The following CDC20B variants were observed in gnomAD, a reference collection of about 807,000 sequenced individuals.
CDC20B encodes the protein cell division cycle protein 20 homolog B.
In CDC20B, 58 loss-of-function variants were observed where a neutral mutation model predicts 64.1. That is an observed-to-expected ratio of 0.90 (90% CI 0.73 to 1.13). CDC20B has a LOEUF of 1.13. Ranked by LOEUF, CDC20B falls within the 50% of genes most tolerant of loss-of-function variation. The pLI, the probability that CDC20B is intolerant of heterozygous loss-of-function variation, is 0.00. For synonymous variants in CDC20B, 243 were observed against 230.6 expected (o/e 1.05, Z -0.49); for missense variants, 597 against 633.0 (o/e 0.94, Z 0.61).
At chr5:55,115,588 G>A (rs956772749) in intron 11 of CDC20B, among the ~76,000 whole-genome samples, 3 of 152,226 alleles carry the variant, frequency 2.0e-5, no homozygotes, top group African/African-American at 7.2e-5. Flanking sequence ...CTGAGGCTAG[G>A]AGAATGAGGG....
In CDC20B at chr5:55,126,986, A is replaced by G. The variant is rs577604904; in HGVS notation, c.989+271T>C. 2.0e-5 allele frequency among the ~76,000 whole-genome samples: 3 copies of G among 152,236 alleles called. No individual in the cohort carries two copies. The East Asian group carries it at 5.8e-4, about 29-fold the overall frequency. On this transcript the variant is annotated intron_variant, in intron 8 of 11. Transcript: ENST00000381375. Reference sequence around the variant, plus strand: ...AGTACCTATTACTTAGCACAGAGAAACCTTTTGCTTGAAGGGATTTTCACA... The same window carrying G: ...AGTACCTATTACTTAGCACAGAGAAGCCTTTTGCTTGAAGGGATTTTCACA...
At chr5:55,160,527 A>G (rs1028458573) in intron 2 of CDC20B, 1 of 643,178 alleles carries the variant, frequency 1.6e-6, no homozygotes, top group Non-Finnish European at 2.7e-6. Context: ...TGGTATTAGT[A>G]CATCACTTTA....
chr5:55,142,555 C>T (rs994673417), intron 4 of CDC20B, among the ~76,000 whole-genome samples: 2 of 152,110 alleles, frequency 1.3e-5, no homozygotes, highest in African/African-American at 4.8e-5. Flanking sequence ...AGGGGTAGGG[C>T]AGCAAAAACT....
chr5:55,167,737 C>T (rs1319875970), intron 2 of CDC20B, among the ~76,000 whole-genome samples: 1 of 152,152 alleles, frequency 6.6e-6, no homozygotes, highest in Non-Finnish European at 1.5e-5. Flanking sequence ...GTGGCACATG[C>T]CTCAGGTCCC....
intron 8 of CDC20B, among the ~76,000 whole-genome samples, chr5:55,126,093 A>G (rs1742879983): frequency 6.6e-6 from 1 of 152,246 alleles, no homozygotes; most frequent in African/African-American, 2.4e-5. Flanking sequence ...TGCAGATTAG[A>G]AAAGGAGCTT....
At chr5:55,163,632 G>A (rs562332249) in intron 2 of CDC20B, among the ~76,000 whole-genome samples, 8 of 151,610 alleles carry the variant, frequency 5.3e-5, no homozygotes, top group South Asian at 2.1e-4. Context: ...TCAGCCTCCC[G>A]AGTAGCTGGG....
intron 5 of CDC20B, among the ~76,000 whole-genome samples, chr5:55,138,953 T>TA (rs78414307): frequency 6.6e-5 from 10 of 150,418 alleles, no homozygotes; most frequent in African/African-American, 2.2e-4. Context: ...TAAATGACAA[T>TA]AAAAAAAATA....
At position 55,123,153 on chromosome 5, in the gene CDC20B, C is replaced by T. The variant is rs183659950; in HGVS notation, c.1215+1650G>A. 2.2e-4 allele frequency among the ~76,000 whole-genome samples: 34 copies of T among 152,186 alleles called. No homozygotes were observed. In the East Asian group the frequency reaches 4.8e-3, roughly 22 times the overall value. On this transcript the variant is annotated intron_variant, in intron 9 of 11. Transcript: ENST00000381375. ...TGGTCTCATATGGTGAATTAATGTACGGTTTAATAAATCTGGTGAATGTAA... is the reference window on the plus strand; with the variant it reads ...TGGTCTCATATGGTGAATTAATGTATGGTTTAATAAATCTGGTGAATGTAA...
intron 2 of CDC20B, among the ~76,000 whole-genome samples, chr5:55,156,504 C>A (rs1743812078): frequency 6.6e-6 from 1 of 152,126 alleles, no homozygotes; most frequent in East Asian, 1.9e-4. Flanking sequence ...GTTAACTGCT[C>A]CCTATTTCAA....
chr5:55,163,795 C>T (rs917015542), intron 2 of CDC20B, among the ~76,000 whole-genome samples: 1 of 150,056 alleles, frequency 6.7e-6, no homozygotes, highest in Non-Finnish European at 1.5e-5. Flanking sequence ...GACTGAGCCA[C>T]GGCTCCCAGC....
intron 11 of CDC20B, among the ~76,000 whole-genome samples, chr5:55,119,169 A>G (rs1742695623): frequency 1.3e-5 from 2 of 152,204 alleles, no homozygotes; most frequent in Admixed American, 6.5e-5. Context: ...CTGTTCTTGC[A>G]TCGACCACCA....
intron 5 of CDC20B, among the ~76,000 whole-genome samples, chr5:55,139,181 C>A (rs970890658): frequency 2.6e-5 from 4 of 151,804 alleles, no homozygotes; most frequent in Non-Finnish European, 5.9e-5. Context: ...GACTTCTCAA[C>A]AGCAACAGTG....
intron 2 of CDC20B, chr5:55,166,362 G>A: frequency 6.6e-6 from 1 of 152,308 alleles, no homozygotes; most frequent in Non-Finnish European, 1.5e-5. Flanking sequence ...TCTAATCTTG[G>A]CTGCCTTATT....
Position 55,114,096 on chromosome 5 carries a change from A to G in CDC20B, c.*122T>C. ...GCAAAAGAAGAACAGGAGAACAGGCATTCACATCAAGAAGAGTATTTCAAC... is the reference window on the plus strand; with the variant it reads ...GCAAAAGAAGAACAGGAGAACAGGCGTTCACATCAAGAAGAGTATTTCAAC... On this transcript the variant is annotated 3_prime_UTR_variant, in exon 12 of 12. Coordinates refer to ENST00000381375, the MANE Select transcript of CDC20B (RefSeq NM_001170402.1). The surrounding 1 kb of genome is among the most constrained non-coding windows in gnomAD (Gnocchi z 4.1). 5 of 1,414,918 alleles carry G rather than the reference A, an allele frequency of 3.5e-6. No homozygotes were observed. Among genetic ancestry groups the G allele is most frequent in the Non-Finnish European group, 4.7e-6 (5 of 1,074,300 alleles). The allele number at this position is 1,414,918 out of a possible 1,614,324, so 87.6% of individuals were successfully genotyped here. A position where few individuals can be genotyped will look rare whatever the true frequency, so the allele number is the denominator to read the frequency against.
At chr5:55,158,427 T>C (rs1249344084) in intron 2 of CDC20B, among the ~76,000 whole-genome samples, 1 of 152,230 alleles carries the variant, frequency 6.6e-6, no homozygotes, top group Non-Finnish European at 1.5e-5. Flanking sequence ...TTCTGCATAA[T>C]CATTGCTTTT....
chr5:55,161,509 A>C, intron 2 of CDC20B, among the ~76,000 whole-genome samples: 1 of 152,196 alleles, frequency 6.6e-6, no homozygotes, highest in East Asian at 1.9e-4. Flanking sequence ...TTCCTGAAGA[A>C]TTTACTTAAA....
chr5:55,155,863 C>G (rs1428560703), intron 2 of CDC20B, among the ~76,000 whole-genome samples: 1 of 152,178 alleles, frequency 6.6e-6, no homozygotes, highest in African/African-American at 2.4e-5. Flanking sequence ...CTTCAGTACA[C>G]ACAGAAAAGC....
intron 5 of CDC20B, among the ~76,000 whole-genome samples, chr5:55,137,811 A>G (rs1038429855): frequency 7.2e-5 from 11 of 152,230 alleles, no homozygotes; most frequent in African/African-American, 1.9e-4. Flanking sequence ...AGAGAGCCCA[A>G]TAATTTTCTA....
chr5:55,169,130 A>T (rs1226115224), intron 2 of CDC20B, among the ~76,000 whole-genome samples: 4 of 152,240 alleles, frequency 2.6e-5, no homozygotes, highest in Non-Finnish European at 4.4e-5. Context: ...AAAAAAGACA[A>T]GATGAAAATA....
Sources: allele counts gnomAD v4.1 joint callset (sites outside exome capture counted in the v4.1 genomes callset), GRCh38; gene constraint gnomAD v4.1.1; non-coding constraint Gnocchi (gnomAD v3.1); transcripts MANE v1.5; gene names NCBI Gene and HGNC (gene_info 2026-07-23, HGNC 2026-07-21).